IL4R: variants seen among roughly 807,000 people sequenced by gnomAD.
IL4R encodes the protein interleukin-4 receptor subunit alpha.
In IL4R, 17 loss-of-function variants were observed where a neutral mutation model predicts 41.5. That is an observed-to-expected ratio of 0.41 (90% confidence interval 0.28 to 0.61). IL4R has a LOEUF of 0.61. Ranked by LOEUF, IL4R falls within the 20% of genes least tolerant of loss-of-function variation. IL4R has a pLI of 0.31. For missense variants in IL4R, 974 were observed against 1,043.1 expected (o/e 0.93, Z 0.91); for synonymous variants, 402 against 422.9 (o/e 0.95, Z 0.61).
chr16:27,327,546 T>C (rs2084990673), intron 1 of IL4R, among the ~76,000 whole-genome samples: 1 of 152,134 alleles, frequency 6.6e-6, no homozygotes, highest in African/African-American at 2.4e-5. Context: ...CTCTGTGACC[T>C]TGGCCTTGTC....
In IL4R at chr16:27,352,568, A is replaced by T. The variant is rs763634861; in HGVS notation, c.542A>T (p.Glu181Val). Reference sequence around the variant, plus strand: ...AGAATCTATAACGTGACCTACCTAGAACCCTCCCTCCGCATCGCAGCCAGC... The same window carrying T: ...AGAATCTATAACGTGACCTACCTAGTACCCTCCCTCCGCATCGCAGCCAGC... ...DFRIYNVTYL[E>V]PSLRIAASTL... The change falls in exon 7 of 11, where the codon GAA (glutamate) becomes GTA (valine). Residue 181 changes from glutamate (E) to valine (V), a missense_variant. Transcript: ENST00000395762. 6.2e-7 allele frequency: 1 copy of T among 1,614,144 alleles called. No homozygotes were observed. Among genetic ancestry groups the T allele is most frequent in the Non-Finnish European group, 8.5e-7 (1 of 1,180,012 alleles).
intron 1 of IL4R, among the ~76,000 whole-genome samples, chr16:27,317,250 G>C (rs1275879892): frequency 6.6e-6 from 1 of 152,134 alleles, no homozygotes; most frequent in African/African-American, 2.4e-5. Flanking sequence ...TTTATTGGTT[G>C]GGATTTAGTC....
chr16:27,336,201 G>A (rs1469862314), intron 2 of IL4R, among the ~76,000 whole-genome samples: 1 of 152,094 alleles, frequency 6.6e-6, no homozygotes, highest in Non-Finnish European at 1.5e-5. Flanking sequence ...TTAGCCTACA[G>A]TTGGGCAAAG....
At position 27,363,704 on chromosome 16, in the gene IL4R, C is replaced by T. The variant is rs114396429; in HGVS notation, c.2352C>T (p.Gly784=). 1.1e-3 allele frequency: 1,771 copies of T among 1,613,934 alleles called. 13 individuals carry two copies. In the African/African-American group the frequency reaches 0.021, roughly 19 times the overall value. Residue 784 remains glycine, a synonymous_variant, in exon 11 of 11, where the codon GGC becomes GGT. Coordinates refer to ENST00000395762, the MANE Select transcript of IL4R (RefSeq NM_000418.4). ...SLCPASLAPS[G]ISEKSKSSSS... ...GTCCGGCCTCCCTGGCACCCTCGGG[C>T]ATCTCAGAGAAGAGTAAATCCTCAT...
intron 3 of IL4R, chr16:27,340,921 G>A (rs574967742): frequency 2.9e-4 from 108 of 374,302 alleles, no homozygotes; most frequent in African/African-American, 1.9e-3. Flanking sequence ...TGAGCCTGGC[G>A]GGAGGGTTGA....
At chr16:27,348,643 T>G (rs978830175) in intron 6 of IL4R, among the ~76,000 whole-genome samples, 3 of 152,138 alleles carry the variant, frequency 2.0e-5, no homozygotes, top group Middle Eastern at 3.2e-3. Context: ...ATAAGAGTCC[T>G]AAGGCTGCTG....
In IL4R at chr16:27,342,278, T is replaced by G; in HGVS notation, c.209+19T>G. 6.2e-7 allele frequency: 1 copy of G among 1,613,910 alleles called. No individual in the cohort carries two copies. The highest frequency in any genetic ancestry group is 8.5e-7 in the Non-Finnish European group (1 of 1,179,830). On this transcript the variant is annotated intron_variant, in intron 4 of 10. Coordinates refer to ENST00000395762, the MANE Select transcript of IL4R (RefSeq NM_000418.4). The stretch of plus-strand genomic sequence containing the variant: ...TCTCCGAGTAAGCCTGCGCTGGAGC[T>G]GGAGGTTTGGGGAGGTTGTGCCCAA...
chr16:27,314,632 A>C (rs537700401), intron 1 of IL4R, among the ~76,000 whole-genome samples: 1 of 152,246 alleles, frequency 6.6e-6, no homozygotes, highest in Non-Finnish European at 1.5e-5. Flanking sequence ...CCGCTTTAGT[A>C]ACTTGCCCTA....
chr16:27,340,290 C>T lies in IL4R; in HGVS notation c.70+17C>T, dbSNP rs56194094. On this transcript the variant is annotated intron_variant, in intron 3 of 10. Transcript: ENST00000395762. ...CAAGCTCTGGTAAGTCACCACTTCTCAATCATTCATTTGTTGGCTATTAAT... is the reference window on the plus strand; with the variant it reads ...CAAGCTCTGGTAAGTCACCACTTCTTAATCATTCATTTGTTGGCTATTAAT... 1.2e-6 allele frequency: 2 copies of T among 1,602,810 alleles called. No homozygotes were observed. The highest frequency in any genetic ancestry group is 1.7e-6 in the Non-Finnish European group (2 of 1,169,804).
chr16:27,326,446 G>A (rs1018585509), intron 1 of IL4R, among the ~76,000 whole-genome samples: 1 of 152,130 alleles, frequency 6.6e-6, no homozygotes, highest in African/African-American at 2.4e-5. Flanking sequence ...GTTGCAGTGA[G>A]CTATGATTGT....
chr16:27,358,955 C>T lies in IL4R; in HGVS notation c.810C>T (p.Ala270=), dbSNP rs1211677267. The T allele has an allele frequency of 6.2e-6, 10 of 1,613,924 alleles. No individual in the cohort carries two copies. The Admixed American group carries it at 1.2e-4, about 19-fold the overall frequency. ...KEWWDQIPNP[A]RSRLVAIIIQ... is the part of the protein sequence containing the mutation. Reference sequence around the variant, plus strand: ...GGTGGGATCAGATTCCCAACCCAGCCCGCAGCCGCCTCGTGGCTATAATAA... The same window carrying T: ...GGTGGGATCAGATTCCCAACCCAGCTCGCAGCCGCCTCGTGGCTATAATAA... The change falls in exon 9 of 11, where the codon GCC becomes GCT. Residue 270 remains alanine (A), a synonymous_variant. Transcript: ENST00000395762.
Position 27,360,773 on chromosome 16 carries a change from A to G in IL4R, c.857A>G (p.Gln286Arg), listed in dbSNP as rs757851061. 5 of 1,614,112 alleles carry G rather than the reference A, an allele frequency of 3.1e-6. No individual in the cohort carries two copies. The South Asian group carries it at 5.5e-5, about 18-fold the overall frequency. Residue 286 changes from glutamine to arginine, a missense_variant, in exon 10 of 11, where the codon CAG becomes CGG. Transcript: ENST00000395762. ...AIIIQDAQGS[Q>R]WEKRSRGQEP... The stretch of plus-strand genomic sequence containing the variant: ...GCTGTCTCTGTATTTTAGGGGTCAC[A>G]GTGGGAGAAGCGGTCCCGAGGCCAG...
rs550929913 is a variant in IL4R at position 27,359,886 on chromosome 16, T to G, written c.850-880T>G. The stretch of plus-strand genomic sequence containing the variant: ...AACAACTTTATTTAGCTTATGCTTC[T>G]GCAGGCTGGCATTTGGGGCTGGGCT... On this transcript the variant is annotated intron_variant, in intron 9 of 10. Transcript: ENST00000395762. 88 of 437,682 alleles carry G rather than the reference T, an allele frequency of 2.0e-4. No homozygotes were observed. In the East Asian group the frequency reaches 5.9e-3, roughly 29 times the overall value. The allele number at this position is 437,682 out of a possible 1,614,324, so 27.1% of individuals were successfully genotyped here. A position where few individuals can be genotyped will look rare whatever the true frequency, so the allele number is the denominator to read the frequency against.
chr16:27,337,155 G>C lies in IL4R; in HGVS notation c.-18-3031G>C, dbSNP rs558072565. On this transcript the variant is annotated intron_variant, in intron 2 of 10. Coordinates refer to ENST00000395762, the MANE Select transcript of IL4R (RefSeq NM_000418.4). ...GAAGTGTAGGTGGCAGGCGTAGGAT[G>C]CATGGGTGCTGGGCCCAGGTGGAGA... Among the ~76,000 whole-genome samples, 99 of 152,100 alleles carry C rather than the reference G, an allele frequency of 6.5e-4. 1 individual carries two copies. Among genetic ancestry groups the C allele is most frequent in the Non-Finnish European group, 1.1e-3 (72 of 67,972 alleles).
At chr16:27,328,204 T>TAAAAAAAAAA (rs1405320061) in intron 1 of IL4R, among the ~76,000 whole-genome samples, 2 of 58,176 alleles carry the variant, frequency 3.4e-5, no homozygotes, top group Non-Finnish European at 3.4e-5. Context: ...AGGCTCCATC[T>TAAAAAAAAAA]CAAAAAAAAA....
chr16:27,349,899 G>A (rs139952704), intron 6 of IL4R, among the ~76,000 whole-genome samples: 8 of 152,274 alleles, frequency 5.3e-5, no homozygotes, highest in Non-Finnish European at 7.4e-5. Context: ...ACAGGCACAG[G>A]CCACCACGCC....
chr16:27,344,841 C>T, intron 4 of IL4R, 28 bp from the exon 5 acceptor site: 1 of 1,612,384 alleles, frequency 6.2e-7, no homozygotes, highest in East Asian at 2.2e-5. Flanking sequence ...TACAGGTGAC[C>T]AGCCTAACCC....
chr16:27,331,540 T>C (rs1000557673), intron 2 of IL4R, among the ~76,000 whole-genome samples: 5 of 152,178 alleles, frequency 3.3e-5, no homozygotes, highest in African/African-American at 1.2e-4. Flanking sequence ...CTGCCCAGTA[T>C]AGGAGGGCAG....
intron 1 of IL4R, among the ~76,000 whole-genome samples, chr16:27,329,676 CAAA>C (rs11327523): frequency 2.5e-5 from 3 of 118,134 alleles, no homozygotes; most frequent in Non-Finnish European, 3.6e-5. Flanking sequence ...ACCTCCGTCT[CAAA>C]AAAAAAAAAA....
Sources: allele counts gnomAD v4.1 joint callset (sites outside exome capture counted in the v4.1 genomes callset), GRCh38; gene constraint gnomAD v4.1.1; transcripts MANE v1.5; gene names NCBI Gene and HGNC (gene_info 2026-07-23, HGNC 2026-07-21).